The following DACH2 variants were observed in gnomAD, a reference collection of about 807,000 sequenced individuals.
DACH2 encodes dachshund homolog 2.
In DACH2, 17 loss-of-function variants were observed where a neutral mutation model predicts 35.8. The observed-to-expected ratio is 0.48, with a 90% CI of 0.33 to 0.71. The LOEUF is 0.71. DACH2 is among the 30% of genes least tolerant of loss of function. The pLI is 0.02. For synonymous variants in DACH2, 195 were observed against 177.3 expected (o/e 1.10, Z -0.79); for missense variants, 469 against 472.7 (o/e 0.99, Z 0.07).
intron 2 of DACH2, among the ~76,000 whole-genome samples, chrX:86,491,528 G>GA (rs1430259496): frequency 2.7e-5 from 3 of 111,769 alleles, no homozygotes; most frequent in African/African-American, 9.7e-5. Flanking sequence ...AGTTAAGGCA[G>GA]ACAAATATTT....
chrX:86,210,421 G>A (rs1448412051), intron 1 of DACH2, among the ~76,000 whole-genome samples: 1 of 110,879 alleles, frequency 9.0e-6, no homozygotes, highest in Non-Finnish European at 1.9e-5. Context: ...AATTTAAAAA[G>A]CTCCCTCATT....
intron 3 of DACH2, among the ~76,000 whole-genome samples, chrX:86,524,768 A>T (rs758479780): frequency 1.1e-4 from 12 of 111,279 alleles, no homozygotes; most frequent in Non-Finnish European, 1.9e-4. Context: ...TGGCTGGGTC[A>T]TAAGGCAGAA....
chrX:86,502,672 T>G, intron 2 of DACH2, among the ~76,000 whole-genome samples: 1 of 111,944 alleles, frequency 8.9e-6, no homozygotes, highest in Non-Finnish European at 1.9e-5. Flanking sequence ...TTTGTGATCT[T>G]CTAGCCTGTT....
At chrX:86,235,590 A>C (rs1216185565) in intron 1 of DACH2, among the ~76,000 whole-genome samples, 1 of 112,276 alleles carries the variant, frequency 8.9e-6, no homozygotes, top group Non-Finnish European at 1.9e-5. Context: ...ATGATGCCAC[A>C]TGGGTAGCAG....
intron 2 of DACH2, among the ~76,000 whole-genome samples, chrX:86,379,017 T>C (rs2036008061): frequency 9.0e-6 from 1 of 111,326 alleles, no homozygotes; most frequent in Non-Finnish European, 1.9e-5. Context: ...ATTACTGCCA[T>C]GTCCACAAAA....
chrX:86,182,731 G>C (rs1262568659), intron 1 of DACH2, among the ~76,000 whole-genome samples: 3 of 111,692 alleles, frequency 2.7e-5, no homozygotes, highest in Non-Finnish European at 3.8e-5. Context: ...TTGGTAGCTT[G>C]ATGGGGTAGC....
intron 1 of DACH2, among the ~76,000 whole-genome samples, chrX:86,294,955 C>T (rs750180830): frequency 2.7e-5 from 3 of 111,890 alleles, no homozygotes; most frequent in East Asian, 2.8e-4. Flanking sequence ...CCACCCAGTT[C>T]GAGCTTCCTG....
At position 86,149,038 on chromosome X, in the gene DACH2, G is replaced by T; in HGVS notation, c.418G>T (p.Gly140Trp). Residue 140 changes from glycine (G) to tryptophan (W), a missense_variant, in exon 1 of 12, where the codon GGG becomes TGG. Around this residue, in one of 3 missense-constraint regions of DACH2, gnomAD observed 7 missense variants for 24.1 expected, o/e 0.29. Coordinates refer to ENST00000373125, the MANE Select transcript of DACH2 (RefSeq NM_053281.3). ...CCGCGGGCTGGGGGCCATCCAGCCCGGGGTAAACCGCTGCAAACTCATCAC... is the reference window on the plus strand; with the variant it reads ...CCGCGGGCTGGGGGCCATCCAGCCCTGGGTAAACCGCTGCAAACTCATCAC... ...ILRGLGAIQP[G>W]VNRCKLITRK... 1 of 1,204,368 alleles carries T rather than the reference G, an allele frequency of 8.3e-7. No individual in the cohort carries two copies. The highest frequency in any genetic ancestry group is 1.1e-6 in the Non-Finnish European group (1 of 891,411).
At chrX:86,820,946 A>G (rs2147361462) in intron 11 of DACH2, among the ~76,000 whole-genome samples, 1 of 111,362 alleles carries the variant, frequency 9.0e-6, no homozygotes, top group East Asian at 2.8e-4. Context: ...TCATTGTAGA[A>G]TTTGGAAGAA....
At chrX:86,332,930 A>G (rs146542765) in intron 1 of DACH2, among the ~76,000 whole-genome samples, 2,031 of 112,155 alleles carry the variant, frequency 0.018, 22 homozygotes, top group Non-Finnish European at 0.028. Flanking sequence ...TAGTCTGCTT[A>G]ATGCTATCAT....
intron 3 of DACH2, among the ~76,000 whole-genome samples, chrX:86,632,807 A>G (rs1359973077): frequency 9.0e-6 from 1 of 111,362 alleles, no homozygotes; most frequent in Non-Finnish European, 1.9e-5. Flanking sequence ...AGCTATACAT[A>G]TACCTGGAAA....
intron 3 of DACH2, among the ~76,000 whole-genome samples, chrX:86,604,610 T>G (rs2039834116): frequency 8.9e-6 from 1 of 111,777 alleles, no homozygotes; most frequent in South Asian, 3.7e-4. Flanking sequence ...CATCTCCCAA[T>G]GATTTAAACA....
intron 4 of DACH2, among the ~76,000 whole-genome samples, chrX:86,677,384 A>G (rs990394395): frequency 1.8e-5 from 2 of 112,152 alleles, no homozygotes; most frequent in Admixed American, 9.5e-5. Context: ...AAATTAAAAG[A>G]TAAGCTGCTT....
chrX:86,756,707 A>C (rs2041833221), intron 7 of DACH2, among the ~76,000 whole-genome samples: 1 of 110,641 alleles, frequency 9.0e-6, no homozygotes, highest in South Asian at 3.7e-4. Context: ...CTTCCTTTTC[A>C]ATTTGGATGA....
intron 3 of DACH2, among the ~76,000 whole-genome samples, chrX:86,571,231 T>G (rs764021751): frequency 1.4e-3 from 160 of 111,403 alleles, no homozygotes; most frequent in African/African-American, 4.9e-3. Context: ...TGTTGGAAAT[T>G]CAATGACCAT....
intron 5 of DACH2, 119 bp downstream of exon 5, chrX:86,695,298 A>G: frequency 3.6e-6 from 2 of 561,560 alleles, no homozygotes; most frequent in Non-Finnish European, 5.0e-6. Context: ...TAACAATTTA[A>G]TATCAGAAGG....
intron 1 of DACH2, among the ~76,000 whole-genome samples, chrX:86,247,148 T>A (rs6524606): frequency 9.1e-6 from 1 of 110,275 alleles, no homozygotes; most frequent in Non-Finnish European, 1.9e-5. Context: ...TATATGCATC[T>A]AACACTGGAG....
chrX:86,427,886 T>G (rs907709277), intron 2 of DACH2, among the ~76,000 whole-genome samples: 1 of 111,927 alleles, frequency 8.9e-6, no homozygotes, highest in Admixed American at 9.5e-5. Flanking sequence ...CTCAGAAAGG[T>G]TGATGGCTGA....
Position 86,795,720 on chromosome X carries a change from G to A in DACH2, c.1241-17136G>A, listed in dbSNP as rs778624394. On this transcript the variant is annotated intron_variant, in intron 7 of 11. Coordinates refer to ENST00000373125, the MANE Select transcript of DACH2 (RefSeq NM_053281.3). Reference sequence around the variant, plus strand: ...AGTTTGTAAAGATGGTGTGTCCAGAGTTTGTTCCTTCAGATGTTCAGATGT... The same window carrying A: ...AGTTTGTAAAGATGGTGTGTCCAGAATTTGTTCCTTCAGATGTTCAGATGT... Among the ~76,000 whole-genome samples, 8 of 111,999 alleles carry A rather than the reference G, an allele frequency of 7.1e-5. No homozygotes were observed. In the South Asian group the frequency reaches 3.0e-3, roughly 42 times the overall value.
Sources: allele counts gnomAD v4.1 joint callset (sites outside exome capture counted in the v4.1 genomes callset), GRCh38; gene constraint gnomAD v4.1.1; regional missense constraint gnomAD v4.1.1; transcripts MANE v1.5; gene names NCBI Gene and HGNC (gene_info 2026-07-23, HGNC 2026-07-21).